The following DEUP1 variants were observed in gnomAD, a reference collection of about 807,000 sequenced individuals.
The protein encoded by DEUP1 is coiled-coil domain containing 67.
A neutral mutation model predicts 87.4 loss-of-function variants in DEUP1; 82 were observed. The ratio of observed to expected loss-of-function variants is 0.94; its 90% CI spans 0.78 to 1.13. The LOEUF (loss-of-function observed/expected upper bound fraction) is 1.13, where lower values mean the gene tolerates loss of function less well. Ranked by LOEUF, DEUP1 falls within the 50% of genes most tolerant of loss-of-function variation. The probability of loss-of-function intolerance (pLI) is 0.00; values close to 1 mark genes in which losing one functional copy is unlikely to be tolerated. For missense variants in DEUP1, 663 were observed against 681.5 expected (o/e 0.97, Z 0.30); for synonymous variants, 214 against 222.7 (o/e 0.96, Z 0.35).
In DEUP1 at chr11:93,437,790, C is replaced by A; in HGVS notation, c.*71C>A. ...AAAAAAAGCTCTGGCAAAATATTTACAAAGCTGATTAATGAAACCAAGAAA... is the reference window on the plus strand; with the variant it reads ...AAAAAAAGCTCTGGCAAAATATTTAAAAAGCTGATTAATGAAACCAAGAAA... On this transcript the variant is annotated 3_prime_UTR_variant, in exon 14 of 14. Coordinates refer to ENST00000298050, the MANE Select transcript of DEUP1 (RefSeq NM_181645.4). 1.3e-6 allele frequency: 1 copy of A among 788,004 alleles called. No individual in the cohort carries two copies. Among genetic ancestry groups the A allele is most frequent in the Non-Finnish European group, 2.1e-6 (1 of 486,230 alleles). 48.8% of individuals were successfully genotyped at this position (788,004 alleles called of 1,614,324 possible).
At chr11:93,361,537 T>C (rs901160157) in intron 4 of DEUP1, among the ~76,000 whole-genome samples, 4 of 152,114 alleles carry the variant, frequency 2.6e-5, no homozygotes, top group Non-Finnish European at 5.9e-5. Context: ...GTAAGATTTC[T>C]ACACTTGAAC....
intron 2 of DEUP1, among the ~76,000 whole-genome samples, chr11:93,335,319 A>G (rs1386175510): frequency 6.6e-6 from 1 of 152,228 alleles, no homozygotes; most frequent in African/African-American, 2.4e-5. Context: ...TGCAGGATCA[A>G]CTTTTATTAA....
intron 7 of DEUP1, among the ~76,000 whole-genome samples, chr11:93,379,910 G>C (rs1946219142): frequency 6.6e-6 from 1 of 152,214 alleles, no homozygotes; most frequent in African/African-American, 2.4e-5. Context: ...ACTCATAGAA[G>C]TCAATATAAT....
intron 2 of DEUP1, among the ~76,000 whole-genome samples, chr11:93,334,889 A>G (rs1029108808): frequency 6.6e-6 from 1 of 152,034 alleles, no homozygotes; most frequent in African/African-American, 2.4e-5. Context: ...CCTTTTTAAG[A>G]AAACCTTCTC....
At chr11:93,337,891 A>G (rs116078290) in intron 2 of DEUP1, among the ~76,000 whole-genome samples, 491 of 152,316 alleles carry the variant, frequency 3.2e-3, no homozygotes, top group African/African-American at 0.011. Context: ...TTTACAAAAG[A>G]TTAGTTACAA....
At chr11:93,429,782 A>G (rs1202372351) in intron 13 of DEUP1, among the ~76,000 whole-genome samples, 3 of 152,204 alleles carry the variant, frequency 2.0e-5, no homozygotes, top group Non-Finnish European at 4.4e-5. Flanking sequence ...TTGATTTAAT[A>G]ACATGGGGCT....
intron 13 of DEUP1, among the ~76,000 whole-genome samples, chr11:93,415,439 TTTAAAGAGCTACAGTGATC>T (rs1267281302): frequency 6.6e-6 from 1 of 152,140 alleles, no homozygotes; most frequent in Non-Finnish European, 1.5e-5. Context: ...ATCCGTATAT[TTTAAAGAGCTACAGTGATC>T]TTTTGGACTG....
chr11:93,432,754 G>A (rs1254954489), intron 13 of DEUP1, among the ~76,000 whole-genome samples: 1 of 152,180 alleles, frequency 6.6e-6, no homozygotes, highest in African/African-American at 2.4e-5. Flanking sequence ...GAAGATGATG[G>A]ATAGTGAAAA....
chr11:93,346,457 A>G (rs1944353881), intron 2 of DEUP1, among the ~76,000 whole-genome samples: 1 of 152,138 alleles, frequency 6.6e-6, no homozygotes, highest in Non-Finnish European at 1.5e-5. Flanking sequence ...GAACTCCTGA[A>G]CTCAAGTGAT....
intron 2 of DEUP1, among the ~76,000 whole-genome samples, chr11:93,351,189 C>G (rs986898459): frequency 6.6e-6 from 1 of 151,866 alleles, no homozygotes; most frequent in Non-Finnish European, 1.5e-5. Context: ...TCCTGAGAGT[C>G]TAACATTCTA....
At chr11:93,401,382 G>A (rs1009900788) in intron 11 of DEUP1, among the ~76,000 whole-genome samples, 1 of 152,016 alleles carries the variant, frequency 6.6e-6, no homozygotes, top group Admixed American at 6.6e-5. Context: ...GCGATTTACA[G>A]ATTCAGTGTG....
intron 8 of DEUP1, among the ~76,000 whole-genome samples, chr11:93,387,045 G>A (rs1192613017): frequency 1.3e-5 from 2 of 151,954 alleles, no homozygotes; most frequent in Non-Finnish European, 2.9e-5. Flanking sequence ...AAACTTTTTT[G>A]TTCTGCCTGT....
At chr11:93,342,385 TTC>T (rs1222333876) in intron 2 of DEUP1, among the ~76,000 whole-genome samples, 2 of 152,170 alleles carry the variant, frequency 1.3e-5, no homozygotes, top group Non-Finnish European at 2.9e-5. Flanking sequence ...GGAGGGTTAA[TTC>T]TCTGTCACTT....
intron 5 of DEUP1, among the ~76,000 whole-genome samples, chr11:93,366,886 T>G (rs1170336609): frequency 6.6e-6 from 1 of 152,174 alleles, no homozygotes; most frequent in Non-Finnish European, 1.5e-5. Context: ...GACTTCTAAC[T>G]CCAAAGATTC....
chr11:93,385,368 A>T (rs751643801), intron 7 of DEUP1, 30 bp from the exon 8 acceptor site: 2 of 1,608,462 alleles, frequency 1.2e-6, no homozygotes, highest in African/African-American at 1.3e-5. Flanking sequence ...ACCAACAATG[A>T]GCATGAAATT....
intron 2 of DEUP1, among the ~76,000 whole-genome samples, chr11:93,344,968 T>A (rs1944270173): frequency 6.6e-6 from 1 of 152,026 alleles, no homozygotes; most frequent in South Asian, 2.1e-4. Flanking sequence ...ATACTAAGCC[T>A]GGGACCCATT....
intron 2 of DEUP1, 134 bp from the exon 3 acceptor site, chr11:93,355,237 T>A (rs1944840234): frequency 1.3e-6 from 1 of 792,742 alleles, no homozygotes; most frequent in Non-Finnish European, 2.0e-6. Context: ...CCTTCAGCTT[T>A]TGAACTTATT....
At position 93,408,307 on chromosome 11, in the gene DEUP1, G is replaced by A. The variant is rs371148898; in HGVS notation, c.1403G>A (p.Arg468Gln). The A allele has an allele frequency of 5.3e-5, 84 of 1,580,352 alleles. No homozygotes were observed. The Admixed American group carries it at 7.6e-4, about 14-fold the overall frequency. ...NKLQYENERL[R>Q]NDLAKLHVNG... ...CTGCAATATGAGAATGAAAGGCTCC[G>A]AAATGATCTTGCAAAACTTCATGTC... Residue 468 changes from arginine to glutamine, a missense_variant, in exon 12 of 14, where the codon CGA becomes CAA. Arg to Gln is a conservative substitution (Grantham distance 43, BLOSUM62 1). Coordinates refer to ENST00000298050, the MANE Select transcript of DEUP1 (RefSeq NM_181645.4).
intron 11 of DEUP1, among the ~76,000 whole-genome samples, chr11:93,397,150 C>A (rs1430027855): frequency 6.6e-6 from 1 of 152,130 alleles, no homozygotes; most frequent in Non-Finnish European, 1.5e-5. Context: ...GTTTCCTTAG[C>A]TATAAAATGA....
Sources: allele counts gnomAD v4.1 joint callset (sites outside exome capture counted in the v4.1 genomes callset), GRCh38; gene constraint gnomAD v4.1.1; transcripts MANE v1.5; gene names NCBI Gene and HGNC (gene_info 2026-07-23, HGNC 2026-07-21).